The following RNF125 variants were observed in gnomAD, a reference collection of about 807,000 sequenced individuals.
RNF125 encodes E3 ubiquitin-protein ligase RNF125.
In RNF125, 21 loss-of-function variants were observed where a neutral mutation model predicts 26.0. The observed-to-expected ratio is 0.81, with a 90% confidence interval of 0.57 to 1.16. RNF125 has a LOEUF of 1.16. RNF125 is among the 50% of genes most tolerant of loss of function. The pLI, the probability that RNF125 is intolerant of heterozygous loss-of-function variation, is 0.00. For missense variants in RNF125, 270 were observed against 299.4 expected, an observed-to-expected ratio of 0.90 and a Z score of 0.72; for synonymous variants, 95 against 109.2, an observed-to-expected ratio of 0.87 and a Z score of 0.81.
At chr18:32,090,145 C>T in the RNF125 span, among the ~76,000 whole-genome samples, 1 of 152,162 alleles carries the variant, frequency 6.6e-6, no homozygotes, top group Admixed American at 6.5e-5. Flanking sequence ...ACTTGGGAGG[C>T]TGAGGCAGGA....
chr18:32,042,491 G>C (rs559122517), intron 3 of RNF125, among the ~76,000 whole-genome samples: 1 of 152,292 alleles, frequency 6.6e-6, no homozygotes, highest in Admixed American at 6.5e-5. Context: ...ACCAACCACA[G>C]ACTGGAGAGA....
In RNF125 at chr18:32,073,158, T is replaced by C. The variant is rs1170304867; in HGVS notation, c.*4774T>C. On this transcript the variant is annotated 3_prime_UTR_variant, in exon 6 of 6. Coordinates refer to ENST00000217740, the MANE Select transcript of RNF125 (RefSeq NM_017831.4). The stretch of plus-strand genomic sequence containing the variant: ...TGTAAGTATGTATTGCTATGATAAA[T>C]AAAAAATGGCAGGACCATTGTTTTT... 6.6e-6 allele frequency: 1 copy of C among 152,212 alleles called. No homozygotes were observed. The highest frequency in any genetic ancestry group is 1.5e-5 in the Non-Finnish European group (1 of 68,028). 9.4% of individuals were successfully genotyped at this position (152,212 alleles called of 1,614,324 possible). A position where few individuals can be genotyped will look rare whatever the true frequency, so the allele number is the denominator to read the frequency against.
At chr18:32,063,968 C>CTT (rs747535447) in intron 4 of RNF125, among the ~76,000 whole-genome samples, 2 of 140,100 alleles carry the variant, frequency 1.4e-5, no homozygotes, top group Non-Finnish European at 1.6e-5. Flanking sequence ...TGGTCTGTAT[C>CTT]TTTTTTTTTT....
intron 4 of RNF125, among the ~76,000 whole-genome samples, chr18:32,052,922 A>T (rs1568203851): frequency 6.6e-6 from 1 of 152,244 alleles, no homozygotes; most frequent in Admixed American, 6.5e-5. Flanking sequence ...CCTCAACAGT[A>T]AAATATGGTG....
In RNF125 at chr18:32,045,637, T is replaced by G; in HGVS notation, c.414-5T>G. Reference sequence around the variant, plus strand: ...AATATTATTTGTATTCTGTGCTATTTCCAGGTGTGTATGTCCCTTTTGTCA... The same window carrying G: ...AATATTATTTGTATTCTGTGCTATTGCCAGGTGTGTATGTCCCTTTTGTCA... On this transcript the variant is annotated splice_polypyrimidine_tract_variant and splice_region_variant and intron_variant, in intron 3 of 5. Coordinates refer to ENST00000217740, the MANE Select transcript of RNF125 (RefSeq NM_017831.4). 6.9e-6 allele frequency: 11 copies of G among 1,594,986 alleles called. No homozygotes were observed. The highest frequency in any genetic ancestry group is 9.4e-6 in the Non-Finnish European group (11 of 1,165,768).
intron 3 of RNF125, among the ~76,000 whole-genome samples, chr18:32,044,680 C>A (rs1312949154): frequency 1.3e-5 from 2 of 152,116 alleles, no homozygotes; most frequent in African/African-American, 4.8e-5. Flanking sequence ...CTGAGTATTG[C>A]AGCACCCAGC....
chr18:32,032,380 ATT>A (rs774835666), intron 1 of RNF125, among the ~76,000 whole-genome samples: 1 of 140,064 alleles, frequency 7.1e-6, no homozygotes, highest in Non-Finnish European at 1.6e-5. Flanking sequence ...GCCTGGCTGT[ATT>A]TTTTTTTTTT....
chr18:32,068,196 C>A, intron 5 of RNF125, 102 bp from the exon 6 acceptor site: 1 of 642,512 alleles, frequency 1.6e-6, no homozygotes, highest in South Asian at 1.9e-5. Flanking sequence ...AGTCTCGTAA[C>A]TTTAGTTCCC....
intron 1 of RNF125, among the ~76,000 whole-genome samples, chr18:32,025,688 A>G (rs1397294033): frequency 3.4e-5 from 5 of 146,616 alleles, no homozygotes; most frequent in Non-Finnish European, 7.4e-5. Flanking sequence ...AAAAAAAAAA[A>G]GAAGACAGAG....
In RNF125 at chr18:32,062,962, G is replaced by T. The variant is rs146441405; in HGVS notation, c.505-2940G>T. 5.2e-3 allele frequency among the ~76,000 whole-genome samples: 787 copies of T among 152,206 alleles called. 7 individuals carry two copies. Among genetic ancestry groups the T allele is most frequent in the African/African-American group, 0.018 (745 of 41,526 alleles). ...GGGCCGGGTGGGGTGGCTCATGCTT[G>T]TAATCCCAGCACTTTGGGAGGCAGA... On this transcript the variant is annotated intron_variant, in intron 4 of 5. Transcript: ENST00000217740.
the RNF125 span, among the ~76,000 whole-genome samples, chr18:32,084,137 C>A: frequency 2.6e-5 from 4 of 152,144 alleles, no homozygotes; most frequent in African/African-American, 7.2e-5. Context: ...AGGTGGATCA[C>A]CTGAGGTCAG....
chr18:32,089,375 T>C, the RNF125 span, among the ~76,000 whole-genome samples: 4 of 152,242 alleles, frequency 2.6e-5, no homozygotes, highest in Non-Finnish European at 5.9e-5. Context: ...AATGCCATTC[T>C]GAGGGAAGCC....
intron 1 of RNF125, among the ~76,000 whole-genome samples, chr18:32,024,641 A>C (rs527767121): frequency 6.6e-6 from 1 of 151,900 alleles, no homozygotes; most frequent in African/African-American, 2.4e-5. Flanking sequence ...GGGTCTGCCT[A>C]TGTTGCCCAG....
chr18:32,058,542 C>T (rs2039407416), intron 4 of RNF125, among the ~76,000 whole-genome samples: 1 of 152,024 alleles, frequency 6.6e-6, no homozygotes, highest in Non-Finnish European at 1.5e-5. Flanking sequence ...GACAGGGTTT[C>T]ACCACGTTGG....
chr18:32,037,691 A>G (rs2039173006), intron 2 of RNF125, among the ~76,000 whole-genome samples: 1 of 151,860 alleles, frequency 6.6e-6, no homozygotes, highest in Non-Finnish European at 1.5e-5. Flanking sequence ...GACTTGGGAA[A>G]CCTTCCTGTC....
chr18:32,052,089 C>T (rs770585002), intron 4 of RNF125, among the ~76,000 whole-genome samples: 3 of 152,156 alleles, frequency 2.0e-5, no homozygotes, highest in Non-Finnish European at 2.9e-5. Context: ...TCCTGGGCTA[C>T]CCCTCTCCAT....
At chr18:32,039,820 C>A (rs1267681981) in intron 2 of RNF125, among the ~76,000 whole-genome samples, 1 of 149,364 alleles carries the variant, frequency 6.7e-6, no homozygotes, top group Non-Finnish European at 1.5e-5. Context: ...CTCTGTTGCC[C>A]AGGATGGAGT....
chr18:32,089,517 C>T, the RNF125 span, among the ~76,000 whole-genome samples: 2 of 152,192 alleles, frequency 1.3e-5, no homozygotes, highest in South Asian at 2.1e-4. Flanking sequence ...ATTTTATTTA[C>T]GCAGCTGAAT....
intron 1 of RNF125, among the ~76,000 whole-genome samples, chr18:32,025,664 C>CAAAAAAAAAA (rs34054474): frequency 1.5e-5 from 1 of 65,174 alleles, no homozygotes. Flanking sequence ...AACTCTGTCT[C>CAAAAAAAAAA]AAAAAAAAAA....
Sources: allele counts gnomAD v4.1 joint callset (sites outside exome capture counted in the v4.1 genomes callset), GRCh38; gene constraint gnomAD v4.1.1; transcripts MANE v1.5; gene names NCBI Gene and HGNC (gene_info 2026-07-23, HGNC 2026-07-21).